ZNF385D: variants seen among roughly 807,000 people sequenced by gnomAD.
ZNF385D encodes zinc finger protein 659.
In ZNF385D, 15 loss-of-function variants were observed where a neutral mutation model predicts 35.8. The ratio of observed to expected loss-of-function variants is 0.42; its 90% CI spans 0.28 to 0.64. ZNF385D has a LOEUF of 0.64. Ranked by LOEUF, ZNF385D falls within the 30% of genes least tolerant of loss-of-function variation. The pLI is 0.23. For synonymous variants in ZNF385D, 212 were observed against 186.8 expected (o/e 1.13, Z -1.10); for missense variants, 474 against 494.6 (o/e 0.96, Z 0.39).
At chr3:21,796,527 C>A (rs1261799602) in intron 3 of ZNF385D, among the ~76,000 whole-genome samples, 1 of 152,096 alleles carries the variant, frequency 6.6e-6, no homozygotes, top group Non-Finnish European at 1.5e-5. Context: ...AAAGCTGGAA[C>A]AACTGGATAT....
chr3:21,428,818 C>T (rs926043298), intron 5 of ZNF385D, among the ~76,000 whole-genome samples: 3 of 152,104 alleles, frequency 2.0e-5, no homozygotes, highest in Non-Finnish European at 4.4e-5. Flanking sequence ...CTTTTATCAC[C>T]TTTAAAAGGC....
chr3:21,712,503 G>C (rs1006059780), intron 1 of ZNF385D, among the ~76,000 whole-genome samples: 1 of 151,982 alleles, frequency 6.6e-6, no homozygotes, highest in African/African-American at 2.4e-5. Flanking sequence ...ACCTTCAAGA[G>C]GTTTAAGCCA....
intron 2 of ZNF385D, among the ~76,000 whole-genome samples, chr3:22,235,220 T>C (rs996425658): frequency 6.6e-6 from 1 of 152,124 alleles, no homozygotes; most frequent in African/African-American, 2.4e-5. Flanking sequence ...TTTCACATAC[T>C]TTCAATATCC....
At chr3:21,684,364 T>TCC (rs72061025) in intron 1 of ZNF385D, among the ~76,000 whole-genome samples, 1 of 72,444 alleles carries the variant, frequency 1.4e-5, no homozygotes, top group South Asian at 6.0e-4. Context: ...TTAACTGTTC[T>TCC]CCTCTCTCTC....
At chr3:21,879,439 T>C (rs1698155819) in intron 3 of ZNF385D, among the ~76,000 whole-genome samples, 1 of 152,028 alleles carries the variant, frequency 6.6e-6, no homozygotes, top group South Asian at 2.1e-4. Context: ...AGAACAGTTA[T>C]GTCATCAAAA....
In ZNF385D at chr3:21,421,207, T is replaced by C. The variant is rs1214804836; in HGVS notation, c.*7A>G. On this transcript the variant is annotated 3_prime_UTR_variant, in exon 8 of 8. Coordinates refer to ENST00000281523, the MANE Select transcript of ZNF385D (RefSeq NM_024697.3). ...ATTATTGCAGTACAATTACTCCTAT[T>C]TGGAATTTAGTAAGGAGCAAACAGC... The C allele has an allele frequency of 3.1e-6, 5 of 1,611,554 alleles. No homozygotes were observed. Among genetic ancestry groups the C allele is most frequent in the Non-Finnish European group, 4.2e-6 (5 of 1,177,934 alleles).
intron 3 of ZNF385D, among the ~76,000 whole-genome samples, chr3:22,064,909 A>G (rs1011579231): frequency 6.6e-6 from 1 of 152,172 alleles, no homozygotes; most frequent in Non-Finnish European, 1.5e-5. Flanking sequence ...TTGTATATTT[A>G]AAAAAATGTT....
intron 3 of ZNF385D, among the ~76,000 whole-genome samples, chr3:21,975,543 G>A (rs567756124): frequency 5.9e-5 from 9 of 151,934 alleles, no homozygotes; most frequent in African/African-American, 2.2e-4. Flanking sequence ...ATAACTAAAA[G>A]CATATAATTT....
At chr3:22,344,442 T>G (rs916778789) in intron 2 of ZNF385D, among the ~76,000 whole-genome samples, 1 of 152,134 alleles carries the variant, frequency 6.6e-6, no homozygotes, top group African/African-American at 2.4e-5. Context: ...CAAGCTAGAG[T>G]GCAGTGATGT....
intron 3 of ZNF385D, among the ~76,000 whole-genome samples, chr3:21,945,167 T>TAG (rs1701718097): frequency 6.6e-6 from 1 of 150,840 alleles, no homozygotes; most frequent in African/African-American, 2.5e-5. Flanking sequence ...CACACACATA[T>TAG]ATATATAGTG....
intron 2 of ZNF385D, among the ~76,000 whole-genome samples, chr3:21,572,683 G>T (rs1159688137): frequency 6.6e-6 from 1 of 152,138 alleles, no homozygotes; most frequent in Non-Finnish European, 1.5e-5. Flanking sequence ...TTTGTTATAG[G>T]AATGTCAGCT....
rs199990144 is a variant in ZNF385D at position 21,744,867 on chromosome 3, AT to A, written c.22+6027del. 6.6e-3 allele frequency among the ~76,000 whole-genome samples: 998 copies of A among 152,116 alleles called. 14 individuals are homozygous for A. Among genetic ancestry groups the A allele is most frequent in the African/African-American group, 0.023 (939 of 41,532 alleles). On this transcript the variant is annotated intron_variant, in intron 1 of 7. Transcript: ENST00000281523. Reference sequence around the variant, plus strand: ...TGGGTTAAAAAAAATAAAAAAAATAATAATAAAAAAAGCTAGTGTTTCAGCA... The same window carrying A: ...TGGGTTAAAAAAAATAAAAAAAATAAAATAAAAAAAGCTAGTGTTTCAGCA...
intron 3 of ZNF385D, among the ~76,000 whole-genome samples, chr3:21,859,639 AAAC>A (rs1471396124): frequency 6.6e-6 from 1 of 150,598 alleles, no homozygotes; most frequent in Non-Finnish European, 1.5e-5. Context: ...CCTGCTGCTG[AAAC>A]AACATTATTG....
intron 2 of ZNF385D, among the ~76,000 whole-genome samples, chr3:22,204,728 A>T (rs1697030754): frequency 6.6e-6 from 1 of 151,996 alleles, no homozygotes; most frequent in Non-Finnish European, 1.5e-5. Flanking sequence ...ATATACTGAA[A>T]AATGCCATAT....
intron 2 of ZNF385D, among the ~76,000 whole-genome samples, chr3:22,344,008 A>G (rs998482702): frequency 2.6e-5 from 4 of 152,000 alleles, no homozygotes; most frequent in Admixed American, 1.3e-4. Context: ...TTAAGATCCA[A>G]CTCAACTCTC....
chr3:22,190,673 C>G (rs1695958370), intron 2 of ZNF385D, among the ~76,000 whole-genome samples: 1 of 152,166 alleles, frequency 6.6e-6, no homozygotes, highest in Admixed American at 6.6e-5. Context: ...ACATACAAAA[C>G]TGTCCCCTAT....
intron 2 of ZNF385D, among the ~76,000 whole-genome samples, chr3:22,328,183 A>T (rs547281631): frequency 3.8e-4 from 58 of 151,746 alleles, no homozygotes; most frequent in Admixed American, 8.5e-4. Context: ...TTCATGTTTC[A>T]TGCTTATCCA....
intron 1 of ZNF385D, among the ~76,000 whole-genome samples, chr3:21,713,220 G>C (rs1158968734): frequency 6.6e-6 from 1 of 152,208 alleles, no homozygotes; most frequent in Non-Finnish European, 1.5e-5. Flanking sequence ...AACAAGAAGA[G>C]CCAGCAGTGT....
intron 3 of ZNF385D, among the ~76,000 whole-genome samples, chr3:21,532,145 C>T (rs2061940411): frequency 6.6e-6 from 1 of 152,066 alleles, no homozygotes; most frequent in South Asian, 2.1e-4. Flanking sequence ...TTAGGTCTGC[C>T]TGTGATGTCA....
Sources: allele counts gnomAD v4.1 joint callset (sites outside exome capture counted in the v4.1 genomes callset), GRCh38; gene constraint gnomAD v4.1.1; transcripts MANE v1.5; gene names NCBI Gene and HGNC (gene_info 2026-07-23, HGNC 2026-07-21).